KDM4C: variants seen among roughly 807,000 people sequenced by gnomAD.
The protein encoded by KDM4C is lysine-specific demethylase 4C.
In KDM4C, 81 loss-of-function variants were observed where a neutral mutation model predicts 129.3. The ratio of observed to expected loss-of-function variants is 0.63; its 90% CI spans 0.52 to 0.75. The LOEUF is 0.75. KDM4C is among the 30% of genes least tolerant of loss of function. The pLI is 0.00. For missense variants in KDM4C, 1,457 were observed against 1,304.0 expected, an observed-to-expected ratio of 1.12 and a Z score of -1.81; for synonymous variants, 573 against 456.1, an observed-to-expected ratio of 1.26 and a Z score of -3.26.
At chr9:7,134,093 C>G (rs950028824) in intron 19 of KDM4C, among the ~76,000 whole-genome samples, 1 of 152,212 alleles carries the variant, frequency 6.6e-6, no homozygotes, top group African/African-American at 2.4e-5. Flanking sequence ...CCAGGAAGTT[C>G]TGGTTCTTTT....
At chr9:6,779,166 C>G (rs1436932216) in intron 1 of KDM4C, among the ~76,000 whole-genome samples, 1 of 144,398 alleles carries the variant, frequency 6.9e-6, no homozygotes, top group Non-Finnish European at 1.5e-5. Context: ...GTAGCTGGGA[C>G]TACAGGTGCC....
intron 12 of KDM4C, among the ~76,000 whole-genome samples, chr9:6,999,182 A>T (rs1820320197): frequency 6.6e-6 from 1 of 152,200 alleles, no homozygotes; most frequent in African/African-American, 2.4e-5. Flanking sequence ...GGGGAAAATT[A>T]TGCCCTCCTG....
intron 8 of KDM4C, among the ~76,000 whole-genome samples, chr9:6,965,910 T>G (rs911651007): frequency 1.3e-5 from 2 of 152,230 alleles, no homozygotes; most frequent in African/African-American, 4.8e-5. Context: ...CCAGTCAAAT[T>G]GACACATAAA....
intron 15 of KDM4C, among the ~76,000 whole-genome samples, chr9:7,023,340 T>G (rs991916672): frequency 6.6e-6 from 1 of 152,188 alleles, no homozygotes; most frequent in East Asian, 1.9e-4. Flanking sequence ...TGTTTGGGTT[T>G]TGGATTTCTT....
chr9:6,971,182 G>A (rs1299377557), intron 8 of KDM4C, among the ~76,000 whole-genome samples: 1 of 152,142 alleles, frequency 6.6e-6, no homozygotes, highest in Non-Finnish European at 1.5e-5. Flanking sequence ...AATCTTTGCT[G>A]TGATTATTAT....
chr9:7,131,353 T>C (rs570857372), intron 19 of KDM4C, among the ~76,000 whole-genome samples: 1 of 152,318 alleles, frequency 6.6e-6, no homozygotes, highest in South Asian at 2.1e-4. Flanking sequence ...TTGCTGACTC[T>C]ATAGGGGAAG....
intron 1 of KDM4C, among the ~76,000 whole-genome samples, chr9:6,752,332 C>CAAAAA (rs1159747148): frequency 0.048 from 915 of 19,258 alleles, 86 homozygotes; most frequent in Non-Finnish European, 0.054. Flanking sequence ...AACTCCGTCT[C>CAAAAA]AAAAAAAAAA....
intron 12 of KDM4C, among the ~76,000 whole-genome samples, chr9:7,002,827 T>C (rs1354300154): frequency 6.6e-6 from 1 of 152,216 alleles, no homozygotes; most frequent in Admixed American, 6.5e-5. Context: ...GATAACAGGC[T>C]TTAAATACTG....
intron 1 of KDM4C, among the ~76,000 whole-genome samples, chr9:6,783,486 C>T (rs900344557): frequency 3.3e-5 from 5 of 152,102 alleles, no homozygotes; most frequent in African/African-American, 7.2e-5. Flanking sequence ...AGCATTTTTC[C>T]GAGGTGTATT....
intron 15 of KDM4C, among the ~76,000 whole-genome samples, chr9:7,016,636 G>T (rs1183618231): frequency 2.6e-5 from 4 of 151,216 alleles, no homozygotes; most frequent in African/African-American, 4.9e-5. Context: ...TTGCTAGTCA[G>T]GCTGGTCTTG....
chr9:6,775,334 GGAGTAGCTAT>G (rs1031724474), intron 1 of KDM4C, among the ~76,000 whole-genome samples: 28 of 151,730 alleles, frequency 1.8e-4, no homozygotes, highest in African/African-American at 6.5e-4. Context: ...CATATTCCTG[GGAGTAGCTAT>G]GATTTGTTAA....
intron 3 of KDM4C, among the ~76,000 whole-genome samples, chr9:6,808,991 C>T (rs1221692932): frequency 6.6e-6 from 1 of 151,944 alleles, no homozygotes; most frequent in Non-Finnish European, 1.5e-5. Flanking sequence ...TTTCCAAATT[C>T]CCTGGATGGG....
chr9:6,835,481 C>G, intron 4 of KDM4C: 1 of 1,472,790 alleles, frequency 6.8e-7, no homozygotes, highest in East Asian at 2.3e-5. Flanking sequence ...ATTGGCGGCT[C>G]CATCCTGGCC....
At chr9:7,037,287 T>G (rs1408905976) in intron 15 of KDM4C, among the ~76,000 whole-genome samples, 1 of 152,230 alleles carries the variant, frequency 6.6e-6, no homozygotes, top group Non-Finnish European at 1.5e-5. Context: ...TTAGTGGCAC[T>G]TATGGATATG....
intron 1 of KDM4C, among the ~76,000 whole-genome samples, chr9:6,746,671 G>A (rs1817886467): frequency 6.7e-6 from 1 of 148,420 alleles, no homozygotes; most frequent in South Asian, 2.1e-4. Flanking sequence ...CTTGAGCCCA[G>A]GAATTCCAGA....
At chr9:7,061,175 A>C (rs1831610276) in intron 17 of KDM4C, among the ~76,000 whole-genome samples, 1 of 152,184 alleles carries the variant, frequency 6.6e-6, no homozygotes, top group Admixed American at 6.5e-5. Flanking sequence ...TCCCTCCAGT[A>C]GTGTTCCATG....
At position 7,039,307 on chromosome 9, in the gene KDM4C, T is replaced by C. The variant is rs1828165017; in HGVS notation, c.2260-7555T>C. On this transcript the variant is annotated intron_variant, in intron 15 of 21. Coordinates refer to ENST00000381309, the MANE Select transcript of KDM4C (RefSeq NM_015061.6). ...GAGGTTTTGGTTATTTATTCAGCTC[T>C]GTCTTTCTCCTCTCTAATTCTGTTC... Among the ~76,000 whole-genome samples the C allele has an allele frequency of 4.6e-5, 7 of 152,182 alleles. No homozygotes were observed. The South Asian group carries it at 1.4e-3, about 32-fold the overall frequency.
At chr9:7,062,236 G>T (rs1197914865) in intron 17 of KDM4C, among the ~76,000 whole-genome samples, 1 of 152,138 alleles carries the variant, frequency 6.6e-6, no homozygotes, top group African/African-American at 2.4e-5. Flanking sequence ...CCAAAGTGCT[G>T]GGATTACAGG....
At position 7,048,977 on chromosome 9, in the gene KDM4C, C is replaced by G. The variant is rs570504244; in HGVS notation, c.2316-115C>G. 37 of 658,168 alleles carry G rather than the reference C, an allele frequency of 5.6e-5. No homozygotes were observed. In the African/African-American group the frequency reaches 6.5e-4, roughly 12 times the overall value. The allele number at this position is 658,168 out of a possible 1,614,324, so 40.8% of individuals were successfully genotyped here. ...AGAATCTGTTTGTGATGGATTTAGG[C>G]TTTTGGCTTTCTTGCTCATCTGTGT... On this transcript the variant is annotated intron_variant, in intron 16 of 21. Transcript: ENST00000381309.
Sources: allele counts gnomAD v4.1 joint callset (sites outside exome capture counted in the v4.1 genomes callset), GRCh38; gene constraint gnomAD v4.1.1; transcripts MANE v1.5; gene names NCBI Gene and HGNC (gene_info 2026-07-23, HGNC 2026-07-21).